Variants in ST3GAL3 observed in about 807,000 individuals in gnomAD.
ST3GAL3 encodes ST3 beta-galactoside alpha-2,3-sialyltransferase 3.
ST3GAL3 carries 21 observed loss-of-function variants against 50.1 expected under a neutral mutation model. That is an observed-to-expected ratio of 0.42 (90% CI 0.30 to 0.60). The LOEUF (loss-of-function observed/expected upper bound fraction) is 0.60, where lower values mean the gene tolerates loss of function less well. Among genes scored for constraint, ST3GAL3 ranks in the 20% least tolerant of loss-of-function variants. The pLI, the probability that ST3GAL3 is intolerant of heterozygous loss-of-function variation, is 0.19. For synonymous variants in ST3GAL3, 183 were observed against 190.0 expected (o/e 0.96, Z 0.30); for missense variants, 353 against 489.4 (o/e 0.72, Z 2.63).
intron 4 of ST3GAL3, among the ~76,000 whole-genome samples, chr1:43,815,706 C>A (rs1382802663): frequency 6.6e-6 from 1 of 152,160 alleles, no homozygotes; most frequent in Non-Finnish European, 1.5e-5. Context: ...TGACAATAAA[C>A]TTATTTCACA....
chr1:43,906,427 A>C (rs1193857495), intron 9 of ST3GAL3, among the ~76,000 whole-genome samples: 38 of 65,806 alleles, frequency 5.8e-4, no homozygotes, highest in African/African-American at 6.9e-4. Flanking sequence ...TCCTCTTCCC[A>C]CCACTCTTCC....
intron 1 of ST3GAL3, among the ~76,000 whole-genome samples, chr1:43,734,297 C>CTTTTTTTTTTTTTTT (rs751937263): frequency 7.9e-5 from 9 of 114,418 alleles, no homozygotes; most frequent in East Asian, 2.9e-4. Flanking sequence ...TCTTCTTCTT[C>CTTTTTTTTTTTTTTT]TTTTTTTTTT....
At chr1:43,781,551 C>T (rs1441483784) in intron 2 of ST3GAL3, among the ~76,000 whole-genome samples, 1 of 149,972 alleles carries the variant, frequency 6.7e-6, no homozygotes, top group African/African-American at 2.5e-5. Flanking sequence ...GCAGAGGTTG[C>T]AGTGAGCTGA....
At chr1:43,815,072 G>A (rs1303471702) in intron 4 of ST3GAL3, 139 bp downstream of exon 4, 1 of 872,184 alleles carries the variant, frequency 1.1e-6, no homozygotes, top group African/African-American at 1.7e-5. Flanking sequence ...GCTGTCAGCA[G>A]AATCTTGGGG....
In ST3GAL3 at chr1:43,917,473, AAT is replaced by A. The variant is rs1363513239; in HGVS notation, c.745-2923_745-2922del. ...ATAATATATAATATATATAATATAT[AAT>A]ATATATAATATATAATATATATAAT... On this transcript the variant is annotated intron_variant, in intron 9 of 11. Transcript: ENST00000347631. Among the ~76,000 whole-genome samples, 283 of 82,712 alleles carry A rather than the reference AAT, an allele frequency of 3.4e-3. 1 individual carries two copies. The Middle Eastern group carries it at 0.035, about 10-fold the overall frequency. The allele number at this position is 82,712 out of a possible 152,430, so 54.3% of individuals were successfully genotyped here. A position where few individuals can be genotyped will look rare whatever the true frequency, so the allele number is the denominator to read the frequency against.
chr1:43,736,529 A>G (rs908478038), intron 2 of ST3GAL3, 149 bp downstream of exon 2: 1 of 1,392,086 alleles, frequency 7.2e-7, no homozygotes, highest in African/African-American at 1.4e-5. Flanking sequence ...ATTGCCTGCC[A>G]TTTTAGCTGG....
At chr1:43,785,193 G>T (rs1397272969) in intron 2 of ST3GAL3, among the ~76,000 whole-genome samples, 2 of 152,202 alleles carry the variant, frequency 1.3e-5, no homozygotes, top group African/African-American at 4.8e-5. Flanking sequence ...GAACATTGAG[G>T]TATCAGTTCT....
intron 9 of ST3GAL3, among the ~76,000 whole-genome samples, chr1:43,910,887 G>A (rs948928912): frequency 2.0e-5 from 3 of 152,200 alleles, no homozygotes; most frequent in African/African-American, 4.8e-5. Context: ...AACCTTTGCC[G>A]TGGAGTGAAG....
intron 1 of ST3GAL3, among the ~76,000 whole-genome samples, chr1:43,727,590 C>G (rs1024021986): frequency 4.6e-5 from 7 of 152,138 alleles, no homozygotes; most frequent in African/African-American, 1.7e-4. Context: ...TGAGTGGGAC[C>G]AGCATTCAGA....
chr1:43,791,324 A>G (rs967320817), intron 2 of ST3GAL3, among the ~76,000 whole-genome samples: 1 of 152,242 alleles, frequency 6.6e-6, no homozygotes, highest in African/African-American at 2.4e-5. Context: ...ATCAATAAGG[A>G]TAGAGACCAT....
At chr1:43,865,102 C>T (rs1210926779) in intron 5 of ST3GAL3, among the ~76,000 whole-genome samples, 8 of 151,738 alleles carry the variant, frequency 5.3e-5, no homozygotes, top group East Asian at 1.9e-4. Flanking sequence ...CTGCAAGCTC[C>T]GCCTCCCGGG....
chr1:43,761,999 C>T (rs573471138), intron 2 of ST3GAL3, among the ~76,000 whole-genome samples: 28 of 146,900 alleles, frequency 1.9e-4, no homozygotes, highest in African/African-American at 5.9e-4. Context: ...GGCTTGGTGG[C>T]TCATACCTGC....
At chr1:43,920,153 G>A (rs767630852) in intron 9 of ST3GAL3, 57 of 540,312 alleles carry the variant, frequency 1.1e-4, no homozygotes, top group Middle Eastern at 5.1e-4. Context: ...CCTGCCCGAC[G>A]ACTCCCTTCG....
chr1:43,875,082 C>T (rs563489064), intron 5 of ST3GAL3, among the ~76,000 whole-genome samples: 1 of 152,150 alleles, frequency 6.6e-6, no homozygotes, highest in South Asian at 2.1e-4. Flanking sequence ...GAGAAAGGAA[C>T]AAAGAAGCTG....
chr1:43,795,111 A>G (rs2058537750), intron 3 of ST3GAL3, among the ~76,000 whole-genome samples: 1 of 152,212 alleles, frequency 6.6e-6, no homozygotes, highest in Non-Finnish European at 1.5e-5. Context: ...AAATATATAG[A>G]AAAGTACATA....
intron 2 of ST3GAL3, among the ~76,000 whole-genome samples, chr1:43,788,240 A>G (rs971086984): frequency 2.6e-5 from 4 of 152,182 alleles, no homozygotes; most frequent in Non-Finnish European, 5.9e-5. Flanking sequence ...TTTTCTGTAC[A>G]TGTCATTTGA....
intron 1 of ST3GAL3, among the ~76,000 whole-genome samples, chr1:43,710,740 C>G (rs1664305173): frequency 6.6e-6 from 1 of 152,106 alleles, no homozygotes; most frequent in South Asian, 2.1e-4. Context: ...TTTAATTGTT[C>G]TTACGTATGT....
At chr1:43,926,065 G>A (rs2154298418) in intron 11 of ST3GAL3, among the ~76,000 whole-genome samples, 1 of 152,282 alleles carries the variant, frequency 6.6e-6, no homozygotes, top group African/African-American at 2.4e-5. Context: ...GGAAGAGAAG[G>A]GAGTAGAGAG....
intron 1 of ST3GAL3, among the ~76,000 whole-genome samples, chr1:43,713,547 A>G (rs559985028): frequency 2.5e-5 from 3 of 117,744 alleles, no homozygotes; most frequent in African/African-American, 9.4e-5. Context: ...TTTTTTTGAG[A>G]AAAGTACTCA....
Sources: allele counts gnomAD v4.1 joint callset (sites outside exome capture counted in the v4.1 genomes callset), GRCh38; gene constraint gnomAD v4.1.1; transcripts MANE v1.5; gene names NCBI Gene and HGNC (gene_info 2026-07-23, HGNC 2026-07-21).